Variants in NR2F1-AS1 observed in about 807,000 individuals in gnomAD.
NR2F1-AS1 encodes NR2F1 antisense RNA 1.
intron 4 of NR2F1-AS1, among the ~76,000 whole-genome samples, chr5:93,454,365 C>T (rs1273461252): frequency 6.6e-6 from 1 of 152,054 alleles, no homozygotes; most frequent in Non-Finnish European, 1.5e-5. Flanking sequence ...GTATTGTAAG[C>T]TTTTGTGATT....
rs1249522788 is a variant in NR2F1-AS1 at position 93,476,147 on chromosome 5, CCATTT to C, written n.638+77609_638+77613del. Among the ~76,000 whole-genome samples, 5 of 152,022 alleles carry C rather than the reference CCATTT, an allele frequency of 3.3e-5. No homozygotes were observed. In the East Asian group the frequency reaches 7.7e-4, roughly 23 times the overall value. On this transcript the variant is annotated intron_variant and non_coding_transcript_variant, in intron 4 of 5. Transcript: ENST00000660523. ...GAACACACAAAACGCTTGAATAGGC[CCATTT>C]ATTTGAGCAGACATATTAAATAATA...
rs997210118 is a variant in NR2F1-AS1 at position 93,448,435 on chromosome 5, A to T, written n.639-52893T>A. The stretch of plus-strand genomic sequence containing the variant: ...AATTTAACATGAAATGCACACAAAG[A>T]CAATGGCTGGTCTCGTGGCTCTTTC... On this transcript the variant is annotated intron_variant and non_coding_transcript_variant, in intron 4 of 5. Transcript: ENST00000660523. 3.3e-5 allele frequency among the ~76,000 whole-genome samples: 5 copies of T among 152,334 alleles called. No individual in the cohort carries two copies. In the East Asian group the frequency reaches 9.6e-4, roughly 29 times the overall value.
chr5:93,413,063 G>GGTGTGTGTGTGTGT (rs71613591), intron 4 of NR2F1-AS1, among the ~76,000 whole-genome samples: 1 of 139,278 alleles, frequency 7.2e-6, no homozygotes, highest in Non-Finnish European at 1.6e-5. Flanking sequence ...ATAGCACTAT[G>GGTGTGTGTGTGTGT]GTGTGTGTGT....
At chr5:93,503,027 A>G (rs1042657661) in intron 4 of NR2F1-AS1, among the ~76,000 whole-genome samples, 6 of 152,350 alleles carry the variant, frequency 3.9e-5, no homozygotes, top group African/African-American at 1.4e-4. Flanking sequence ...TGAGAAGGAT[A>G]GAAACTAGAC....
intron 4 of NR2F1-AS1, among the ~76,000 whole-genome samples, chr5:93,455,811 T>C (rs1049229347): frequency 2.6e-5 from 4 of 151,216 alleles, no homozygotes; most frequent in South Asian, 2.1e-4. Context: ...AAAAAATCAA[T>C]GTAAAATTTA....
chr5:93,418,624 A>G (rs1434072434), intron 4 of NR2F1-AS1, among the ~76,000 whole-genome samples: 1 of 144,524 alleles, frequency 6.9e-6, no homozygotes, highest in South Asian at 2.1e-4. Flanking sequence ...AATAAATAAA[A>G]ACCTCCCTAC....
chr5:93,425,406 G>A (rs963193626), intron 4 of NR2F1-AS1, among the ~76,000 whole-genome samples: 3 of 152,194 alleles, frequency 2.0e-5, no homozygotes, highest in Admixed American at 6.5e-5. Flanking sequence ...TCTCTGCACT[G>A]TTTGCTAATA....
At chr5:93,497,389 T>C (rs1750983774) in intron 4 of NR2F1-AS1, among the ~76,000 whole-genome samples, 1 of 152,166 alleles carries the variant, frequency 6.6e-6, no homozygotes, top group Admixed American at 6.5e-5. Flanking sequence ...AAATATAAGG[T>C]TGTGTTCTCT....
intron 4 of NR2F1-AS1, among the ~76,000 whole-genome samples, chr5:93,482,482 A>G (rs1750621055): frequency 6.6e-6 from 1 of 152,056 alleles, no homozygotes; most frequent in South Asian, 2.1e-4. Context: ...TCCAGTGCCT[A>G]TATCACCAGG....
At chr5:93,463,078 T>C (rs1260224385) in intron 4 of NR2F1-AS1, among the ~76,000 whole-genome samples, 2 of 152,170 alleles carry the variant, frequency 1.3e-5, no homozygotes, top group Non-Finnish European at 2.9e-5. Context: ...CTCCAGGCCA[T>C]GTCAGAGACC....
chr5:93,581,574 G>A (rs1423839164), upstream of NR2F1-AS1, among the ~76,000 whole-genome samples: 1 of 151,734 alleles, frequency 6.6e-6, no homozygotes, highest in East Asian at 1.9e-4. Context: ...GCCGGAGCCA[G>A]CGATTCCTGC....
chr5:93,425,162 G>A (rs958051335), intron 4 of NR2F1-AS1, among the ~76,000 whole-genome samples: 1 of 152,206 alleles, frequency 6.6e-6, no homozygotes, highest in Admixed American at 6.5e-5. Flanking sequence ...ACCCCAGAGA[G>A]ATCAGGGGAA....
intron 4 of NR2F1-AS1, among the ~76,000 whole-genome samples, chr5:93,519,189 A>C (rs1165655322): frequency 6.6e-6 from 1 of 152,046 alleles, no homozygotes; most frequent in Non-Finnish European, 1.5e-5. Context: ...ATATAAAAAA[A>C]ATACATAACT....
intron 4 of NR2F1-AS1, among the ~76,000 whole-genome samples, chr5:93,493,327 A>C (rs546034447): frequency 6.6e-6 from 1 of 152,096 alleles, no homozygotes; most frequent in Non-Finnish European, 1.5e-5. Context: ...AATACATTTA[A>C]CCAAGGAAGT....
intron 4 of NR2F1-AS1, among the ~76,000 whole-genome samples, chr5:93,527,652 T>A (rs1041828480): frequency 6.6e-5 from 10 of 152,076 alleles, no homozygotes; most frequent in African/African-American, 2.4e-4. Flanking sequence ...AACAGAGATA[T>A]AGACCAATGG....
intron 4 of NR2F1-AS1, among the ~76,000 whole-genome samples, chr5:93,466,338 T>C (rs1397897336): frequency 6.6e-6 from 1 of 151,812 alleles, no homozygotes; most frequent in African/African-American, 2.4e-5. Flanking sequence ...ATTCTTTTTT[T>C]TTTTTTTCTT....
At chr5:93,496,807 G>A (rs999294663) in intron 4 of NR2F1-AS1, among the ~76,000 whole-genome samples, 3 of 152,098 alleles carry the variant, frequency 2.0e-5, no homozygotes, top group African/African-American at 7.2e-5. Context: ...TCCTTTTATA[G>A]GAGTCAGCAT....
intron 4 of NR2F1-AS1, among the ~76,000 whole-genome samples, chr5:93,420,631 G>C (rs1394390323): frequency 6.6e-6 from 1 of 152,112 alleles, no homozygotes; most frequent in East Asian, 1.9e-4. Context: ...GAAAATGGAA[G>C]AGACAAAATA....
chr5:93,518,747 A>G (rs976686928), intron 4 of NR2F1-AS1, among the ~76,000 whole-genome samples: 2 of 152,108 alleles, frequency 1.3e-5, no homozygotes, highest in African/African-American at 4.8e-5. Flanking sequence ...GTATATAAAA[A>G]CAAAACCACC....
Sources: gnomAD v4.1 joint callset for allele counts (sites outside exome capture counted in the v4.1 genomes callset) on GRCh38, gnomAD v4.1.1 for gene constraint, MANE v1.5 for transcripts, NCBI Gene and HGNC (gene_info 2026-07-23, HGNC 2026-07-21) for gene names.